CATSPERT: variants seen among roughly 807,000 people sequenced by gnomAD.
The protein encoded by CATSPERT is catsper channel auxiliary subunit tau.
At chr2:201,540,865 C>G in the CATSPERT span, among the ~76,000 whole-genome samples, 4 of 152,204 alleles carry the variant, frequency 2.6e-5, no homozygotes, top group South Asian at 8.3e-4. Flanking sequence ...CAAAGTAAAT[C>G]GAAAACCTTC....
chr2:201,548,522 C>T, the CATSPERT span, among the ~76,000 whole-genome samples: 2 of 151,708 alleles, frequency 1.3e-5, no homozygotes, highest in Admixed American at 1.3e-4. Flanking sequence ...GTCCATAACA[C>T]TATATATATA....
chr2:201,536,395 A>T, the CATSPERT span: 1 of 1,482,400 alleles, frequency 6.7e-7, no homozygotes, highest in Non-Finnish European at 9.0e-7. Flanking sequence ...TAAGAAAATG[A>T]CTCAAAATCA....
the CATSPERT span, chr2:201,604,698 C>T: frequency 1.3e-6 from 2 of 1,583,344 alleles, no homozygotes; most frequent in Non-Finnish European, 1.7e-6. Context: ...TTCTCAGCAT[C>T]TACAATGTAA....
At chr2:201,502,883 T>C in the CATSPERT span, among the ~76,000 whole-genome samples, 2 of 150,204 alleles carry the variant, frequency 1.3e-5, no homozygotes, top group African/African-American at 4.9e-5. Context: ...TTTCACATGT[T>C]AGTGATACTG....
chr2:201,494,899 T>G, the CATSPERT span: 1 of 745,710 alleles, frequency 1.3e-6, no homozygotes, highest in Admixed American at 4.0e-5. Flanking sequence ...AAAATCAACT[T>G]TAATTATTTT....
the CATSPERT span, among the ~76,000 whole-genome samples, chr2:201,561,161 A>G: frequency 1.1e-4 from 17 of 152,258 alleles, no homozygotes; most frequent in African/African-American, 3.9e-4. Context: ...TAAACAACTA[A>G]GTTTGTGATA....
the CATSPERT span, among the ~76,000 whole-genome samples, chr2:201,510,286 A>G: frequency 1.4e-5 from 2 of 143,636 alleles, no homozygotes; most frequent in East Asian, 3.8e-4. Context: ...TCTACTAAAA[A>G]TACAACAATT....
the CATSPERT span, among the ~76,000 whole-genome samples, chr2:201,575,126 A>G: frequency 1.2e-3 from 186 of 151,624 alleles, no homozygotes; most frequent in African/African-American, 4.3e-3. Flanking sequence ...TGTACTTTCT[A>G]TTTCATACAT....
At chr2:201,582,192 C>G in the CATSPERT span, 6 of 1,598,496 alleles carry the variant, frequency 3.8e-6, no homozygotes, top group Non-Finnish European at 5.1e-6. Context: ...AATATTATTC[C>G]GCTTATCATC....
the CATSPERT span, chr2:201,534,492 A>G: frequency 2.0e-6 from 2 of 985,282 alleles, no homozygotes; most frequent in East Asian, 2.3e-4. Flanking sequence ...AGTGGTTAAT[A>G]TCTTGAAAAT....
At chr2:201,562,874 T>C in the CATSPERT span, among the ~76,000 whole-genome samples, 1 of 139,782 alleles carries the variant, frequency 7.2e-6, no homozygotes, top group African/African-American at 2.7e-5. Flanking sequence ...GAAGAATTTT[T>C]CTTAGTACAG....
the CATSPERT span, among the ~76,000 whole-genome samples, chr2:201,505,190 C>A: frequency 6.6e-6 from 1 of 152,160 alleles, no homozygotes; most frequent in Non-Finnish European, 1.5e-5. Context: ...ACCTCCACCC[C>A]CTGGGTTCAA....
chr2:201,613,430 C>T, the CATSPERT span, among the ~76,000 whole-genome samples: 1 of 152,174 alleles, frequency 6.6e-6, no homozygotes, highest in African/African-American at 2.4e-5. Context: ...TGGTGATACC[C>T]AGGCAAACAG....
the CATSPERT span, chr2:201,491,714 T>C: frequency 6.5e-7 from 1 of 1,537,066 alleles, no homozygotes; most frequent in African/African-American, 1.4e-5. Flanking sequence ...GCTTCAGGTT[T>C]TTCCTGAACA....
At chr2:201,601,199 C>A in the CATSPERT span, among the ~76,000 whole-genome samples, 8 of 151,910 alleles carry the variant, frequency 5.3e-5, no homozygotes, top group South Asian at 1.7e-3. Flanking sequence ...TTACCACTTA[C>A]CAGCTCTATG....
At chr2:201,491,454 A>G in the CATSPERT span, 1 of 1,537,082 alleles carries the variant, frequency 6.5e-7, no homozygotes, top group Non-Finnish European at 8.7e-7. Context: ...TGCAAATTTC[A>G]TCTGGTTTTA....
chr2:201,587,019 G>A, the CATSPERT span, among the ~76,000 whole-genome samples: 1 of 151,090 alleles, frequency 6.6e-6, no homozygotes, highest in Non-Finnish European at 1.5e-5. Flanking sequence ...ATACAATTTT[G>A]TTTAACTTTT....
the CATSPERT span, among the ~76,000 whole-genome samples, chr2:201,540,480 TA>T: frequency 6.6e-6 from 1 of 152,204 alleles, no homozygotes; most frequent in Non-Finnish European, 1.5e-5. Context: ...TTTACCATTC[TA>T]AAAATCCCAG....
At chr2:201,597,372 G>C in the CATSPERT span, among the ~76,000 whole-genome samples, 59 of 152,276 alleles carry the variant, frequency 3.9e-4, no homozygotes, top group Middle Eastern at 3.4e-3. Context: ...TTTCAGCCAA[G>C]AACCTGAGAA....
Sources: allele counts gnomAD v4.1 joint callset (sites outside exome capture counted in the v4.1 genomes callset), GRCh38; gene constraint gnomAD v4.1.1; transcripts MANE v1.5; gene names NCBI Gene and HGNC (gene_info 2026-07-23, HGNC 2026-07-21).